SPPL2A: variants seen among roughly 807,000 people sequenced by gnomAD.
The protein encoded by SPPL2A is signal peptide peptidase like 2A.
In SPPL2A, 51 loss-of-function variants were observed where a neutral mutation model predicts 63.8. The ratio of observed to expected loss-of-function variants is 0.80; its 90% CI spans 0.64 to 1.01. The LOEUF is 1.01. SPPL2A is among the 50% of genes least tolerant of loss of function. The pLI, the probability that SPPL2A is intolerant of heterozygous loss-of-function variation, is 0.00. For missense variants in SPPL2A, 553 were observed against 622.7 expected, an observed-to-expected ratio of 0.89 and a Z score of 1.19; for synonymous variants, 188 against 205.8, an observed-to-expected ratio of 0.91 and a Z score of 0.74.
rs1218396907 is a variant in SPPL2A at position 50,706,138 on chromosome 15, T to A, written c.*1662A>T. ...CGGGCGCGGTGGCTCACGCCTGTAA[T>A]CCCAGCACTTTGGGAGGCCGAGGCG... On this transcript the variant is annotated 3_prime_UTR_variant, in exon 15 of 15. Transcript: ENST00000261854. 1.3e-5 allele frequency: 2 copies of A among 152,034 alleles called. No individual in the cohort carries two copies. Among genetic ancestry groups the A allele is most frequent in the African/African-American group, 2.4e-5 (1 of 41,394 alleles). 9.4% of individuals were successfully genotyped at this position (152,034 alleles called of 1,614,324 possible). A position where few individuals can be genotyped will look rare whatever the true frequency, so the allele number is the denominator to read the frequency against.
At chr15:50,736,263 G>T (rs962981525) in intron 7 of SPPL2A, 61 bp from the exon 8 acceptor site, 44 of 1,000,348 alleles carry the variant, frequency 4.4e-5, no homozygotes, top group Non-Finnish European at 6.6e-5. Flanking sequence ...CTTGATATAA[G>T]AAGTAGCAAA....
At chr15:50,711,534 AC>A (rs2062558839) in intron 14 of SPPL2A, among the ~76,000 whole-genome samples, 1 of 151,896 alleles carries the variant, frequency 6.6e-6, no homozygotes, top group Admixed American at 6.6e-5. Flanking sequence ...TTTTAGTGAA[AC>A]CCTATAGAAA....
intron 9 of SPPL2A, 60 bp from the exon 10 acceptor site, chr15:50,731,099 A>C: frequency 1.4e-6 from 1 of 737,900 alleles, no homozygotes; most frequent in Non-Finnish European, 2.3e-6. Flanking sequence ...GAAGGCATTA[A>C]ATTGTTTTTC....
intron 12 of SPPL2A, 104 bp from the exon 13 acceptor site, chr15:50,722,305 A>G (rs1198841211): frequency 4.6e-6 from 3 of 651,696 alleles, no homozygotes; most frequent in East Asian, 2.7e-5. Flanking sequence ...TCATTGTTGC[A>G]TTATAAGAAC....
At chr15:50,735,087 T>C (rs2062759342) in intron 8 of SPPL2A, among the ~76,000 whole-genome samples, 1 of 151,486 alleles carries the variant, frequency 6.6e-6, no homozygotes, top group Non-Finnish European at 1.5e-5. Context: ...TATTTTTAAG[T>C]AGAGACGAGG....
At chr15:50,733,602 T>A (rs112403165) in intron 8 of SPPL2A, among the ~76,000 whole-genome samples, 14,344 of 152,232 alleles carry the variant, frequency 0.094, 2,293 homozygotes, top group African/African-American at 0.33. Flanking sequence ...GACATTGGTC[T>A]TGGCAAAGAT....
At chr15:50,715,927 A>C (rs1193974739) in intron 14 of SPPL2A, among the ~76,000 whole-genome samples, 1 of 152,142 alleles carries the variant, frequency 6.6e-6, no homozygotes, top group Non-Finnish European at 1.5e-5. Context: ...GTAAATAACA[A>C]AGTATGATAT....
chr15:50,734,802 G>A (rs950445624), intron 8 of SPPL2A, among the ~76,000 whole-genome samples: 1 of 152,044 alleles, frequency 6.6e-6, no homozygotes, highest in Non-Finnish European at 1.5e-5. Flanking sequence ...AATATATATA[G>A]TCATTATGTT....
intron 9 of SPPL2A, among the ~76,000 whole-genome samples, chr15:50,731,569 G>A (rs2062731866): frequency 2.0e-5 from 3 of 151,534 alleles, no homozygotes; most frequent in South Asian, 4.2e-4. Flanking sequence ...GAAGAAATGT[G>A]CTTCCCTGAT....
rs1366978598 is a variant in SPPL2A at position 50,765,668 on chromosome 15, G to GGCCGCCGT, written c.-136_-135insACGGCGGC. The stretch of plus-strand genomic sequence containing the variant: ...GGCGCGGGCGGCCGGGCTACGACTG[G>GGCCGCCGT]ACCGCCGCTGCTACAGCGGCCGCCA... On this transcript the variant is annotated 5_prime_UTR_variant, in exon 1 of 15. Transcript: ENST00000261854. The GGCCGCCGT allele has an allele frequency of 4.2e-6, 2 of 479,850 alleles. No homozygotes were observed. The highest frequency in any genetic ancestry group is 7.2e-5 in the East Asian group (2 of 27,668). 29.7% of individuals were successfully genotyped at this position (479,850 alleles called of 1,614,324 possible). A position where few individuals can be genotyped will look rare whatever the true frequency, so the allele number is the denominator to read the frequency against.
intron 10 of SPPL2A, among the ~76,000 whole-genome samples, chr15:50,728,226 CTTTGTAGAGGGAACATTTCACT>C (rs898814346): frequency 6.6e-6 from 1 of 152,164 alleles, no homozygotes; most frequent in Non-Finnish European, 1.5e-5. Flanking sequence ...ATGGAAATGG[CTTTGTAGAGGGAACATTTCACT>C]TTTGCTATGA....
chr15:50,755,012 C>T (rs1192597250), intron 1 of SPPL2A, among the ~76,000 whole-genome samples: 1 of 151,160 alleles, frequency 6.6e-6, no homozygotes, highest in Non-Finnish European at 1.5e-5. Flanking sequence ...AAAACAAAAA[C>T]AACAACAAAA....
chr15:50,754,827 A>G (rs1369939240), intron 1 of SPPL2A, among the ~76,000 whole-genome samples: 3 of 152,074 alleles, frequency 2.0e-5, no homozygotes, highest in Non-Finnish European at 4.4e-5. Context: ...TACTAAAAAT[A>G]AAAAATTAGC....
intron 10 of SPPL2A, among the ~76,000 whole-genome samples, chr15:50,729,917 CTGGG>C (rs2062717488): frequency 1.3e-5 from 2 of 151,480 alleles, no homozygotes; most frequent in Non-Finnish European, 2.9e-5. Flanking sequence ...GGGAGGACTC[CTGGG>C]CTTGAGCCCA....
intron 1 of SPPL2A, among the ~76,000 whole-genome samples, chr15:50,762,529 T>C (rs968174082): frequency 6.6e-6 from 1 of 152,102 alleles, no homozygotes; most frequent in African/African-American, 2.4e-5. Flanking sequence ...AAATACACAG[T>C]GAGGTCACTC....
intron 1 of SPPL2A, among the ~76,000 whole-genome samples, chr15:50,763,608 G>A (rs1231321401): frequency 6.6e-6 from 1 of 152,110 alleles, no homozygotes; most frequent in Non-Finnish European, 1.5e-5. Flanking sequence ...AATATAAAAG[G>A]CCTAAAATCG....
At chr15:50,734,776 C>A (rs901314486) in intron 8 of SPPL2A, among the ~76,000 whole-genome samples, 1 of 152,120 alleles carries the variant, frequency 6.6e-6, no homozygotes, top group Non-Finnish European at 1.5e-5. Flanking sequence ...TATCAAAACA[C>A]CACATGTATC....
chr15:50,731,935 A>AAAAAAAAAAAC, intron 9 of SPPL2A, among the ~76,000 whole-genome samples: 1 of 127,138 alleles, frequency 7.9e-6, no homozygotes, highest in Middle Eastern at 4.3e-3. Flanking sequence ...CTCAAAAAAA[A>AAAAAAAAAAAC]AAAAAAAACC....
At position 50,706,019 on chromosome 15, in the gene SPPL2A, G is replaced by T. The variant is rs1173957048; in HGVS notation, c.*1781C>A. On this transcript the variant is annotated 3_prime_UTR_variant, in exon 15 of 15. Transcript: ENST00000261854. ...CAGGCCACATCTAAAATTTACCAAAGAATGGGGAAAAAACTTTTTTCAAGT... is the reference window on the plus strand; with the variant it reads ...CAGGCCACATCTAAAATTTACCAAATAATGGGGAAAAAACTTTTTTCAAGT... The T allele has an allele frequency of 6.6e-6, 1 of 152,132 alleles. No homozygotes were observed. The highest frequency in any genetic ancestry group is 1.5e-5 in the Non-Finnish European group (1 of 68,024). The allele number at this position is 152,132 out of a possible 1,614,324, so 9.4% of individuals were successfully genotyped here.
Sources: allele counts gnomAD v4.1 joint callset (sites outside exome capture counted in the v4.1 genomes callset), GRCh38; gene constraint gnomAD v4.1.1; transcripts MANE v1.5; gene names NCBI Gene and HGNC (gene_info 2026-07-23, HGNC 2026-07-21).